The following TRIML2 variants were observed in gnomAD, a reference collection of about 807,000 sequenced individuals.
TRIML2 encodes probable E3 ubiquitin-protein ligase TRIML2.
A neutral mutation model predicts 31.2 loss-of-function variants in TRIML2; 28 were observed. The observed-to-expected ratio is 0.90, with a 90% CI of 0.66 to 1.23. The LOEUF is 1.23. TRIML2 is among the 50% of genes most tolerant of loss of function. The pLI is 0.00. For missense variants in TRIML2, 536 were observed against 528.3 expected (o/e 1.01, Z -0.14); for synonymous variants, 187 against 197.5 (o/e 0.95, Z 0.45).
intron 1 of TRIML2, chr4:188,106,854 G>A (rs1396900765): frequency 1.9e-5 from 5 of 263,816 alleles, no homozygotes; most frequent in African/African-American, 9.2e-5. Flanking sequence ...AGCCGCGGGT[G>A]CGGTACCACC....
intron 2 of TRIML2, 82 bp from the exon 3 acceptor site, chr4:188,105,014 G>A (rs1733966187): frequency 4.2e-6 from 6 of 1,415,218 alleles, no homozygotes; most frequent in Non-Finnish European, 6.0e-6. Flanking sequence ...CAACAACTCT[G>A]AGTATATATT....
chr4:188,103,113 T>C (rs1248194875), intron 3 of TRIML2, among the ~76,000 whole-genome samples: 3 of 145,806 alleles, frequency 2.1e-5, no homozygotes, highest in African/African-American at 7.6e-5. Flanking sequence ...CCAAAGTTCA[T>C]GCCATTCTCC....
intron 3 of TRIML2, among the ~76,000 whole-genome samples, chr4:188,103,874 C>T (rs570745142): frequency 1.3e-5 from 2 of 152,038 alleles, no homozygotes; most frequent in Non-Finnish European, 1.5e-5. Flanking sequence ...GAAGGGGGAT[C>T]GGTTGAAAAA....
intron 1 of TRIML2, among the ~76,000 whole-genome samples, chr4:188,108,300 A>G (rs1734124202): frequency 6.6e-6 from 1 of 152,102 alleles, no homozygotes; most frequent in Non-Finnish European, 1.5e-5. Flanking sequence ...TTTGCAATAG[A>G]ATGTCTAAGG....
Position 188,091,875 on chromosome 4 carries a change from A to T in TRIML2, c.812T>A (p.Met271Lys). 1.2e-6 allele frequency: 2 copies of T among 1,612,938 alleles called. No homozygotes were observed. Among genetic ancestry groups the T allele is most frequent in the Non-Finnish European group, 8.5e-7 (1 of 1,179,092 alleles). Reference sequence around the variant, plus strand: ...ATCCTGCTGCCCATGTCTCAATCTCATAGTTCTCAGGTCCTCAGATAGTGC... The same window carrying T: ...ATCCTGCTGCCCATGTCTCAATCTCTTAGTTCTCAGGTCCTCAGATAGTGC... ...CLALSEDLRT[M>K]RLRHGQQDGA... Residue 271 changes from methionine (M) to lysine (K), a missense_variant, in exon 8 of 8, where the codon ATG (methionine) becomes AAG (lysine). Physicochemically the swap from Met to Lys is moderately conservative, Grantham distance 95. Transcript: ENST00000682553.
At position 188,104,950 on chromosome 4, in the gene TRIML2, A is replaced by G. The variant is rs1194376877; in HGVS notation, c.190-18T>C. Reference sequence around the variant, plus strand: ...AATAACTTCTATAGAGAAAGCACAGAATTCCAGGTGAGATCATTGATTTAG... The same window carrying G: ...AATAACTTCTATAGAGAAAGCACAGGATTCCAGGTGAGATCATTGATTTAG... On this transcript the variant is annotated intron_variant, in intron 2 of 7. Coordinates refer to ENST00000682553, the MANE Select transcript of TRIML2 (RefSeq NM_173553.4). 1 of 1,597,808 alleles carries G rather than the reference A, an allele frequency of 6.3e-7. No homozygotes were observed. Among genetic ancestry groups the G allele is most frequent in the South Asian group, 1.1e-5 (1 of 90,716 alleles).
At chr4:188,106,682 C>A in intron 1 of TRIML2, 1 of 161,338 alleles carries the variant, frequency 6.2e-6, no homozygotes, top group South Asian at 1.5e-4. Context: ...CTATCGTGCT[C>A]CTGGCAGGCG....
intron 7 of TRIML2, among the ~76,000 whole-genome samples, chr4:188,096,747 C>T (rs796753522): frequency 1.6e-4 from 25 of 151,694 alleles, no homozygotes; most frequent in African/African-American, 5.8e-4. Flanking sequence ...ATCTCCACCT[C>T]CTGGGTTCAA....
intron 1 of TRIML2, among the ~76,000 whole-genome samples, chr4:188,107,220 T>C (rs1579187515): frequency 6.6e-6 from 1 of 152,250 alleles, no homozygotes. Flanking sequence ...TTCACCGTGT[T>C]GGCCACACTG....
chr4:188,097,324 C>T lies in TRIML2; in HGVS notation c.644G>A (p.Arg215Lys), dbSNP rs745435433. The change falls in exon 6 of 8, where the codon AGG (arginine) becomes AAG (lysine). Residue 215 changes from arginine (R) to lysine (K), a missense_variant and splice_region_variant. Transcript: ENST00000682553. ...AATTGTATCCAAAATGAAAACTCAC[C>T]TTTCTAAAGAGTATTTTGCATTCTA... is the stretch of plus-strand genomic sequence containing the variant. Reference protein sequence around the residue: ...LLKNAKYSLERSKSLLLEHLE... With the variant: ...LLKNAKYSLEKSKSLLLEHLE... The T allele has an allele frequency of 4.4e-5, 71 of 1,613,846 alleles. No homozygotes were observed. Among genetic ancestry groups the T allele is most frequent in the Non-Finnish European group, 5.8e-5 (69 of 1,179,944 alleles).
Position 188,105,237 on chromosome 4 carries a change from G to T in TRIML2, c.132C>A (p.Ser44=). 6.2e-7 allele frequency: 1 copy of T among 1,611,826 alleles called. No homozygotes were observed. Among genetic ancestry groups the T allele is most frequent in the Non-Finnish European group, 8.5e-7 (1 of 1,178,098 alleles). Residue 44 remains serine, a synonymous_variant, in exon 2 of 8, where the codon TCC becomes TCA. Coordinates refer to ENST00000682553, the MANE Select transcript of TRIML2 (RefSeq NM_173553.4). ...ACACCATGTGATGTTTGTGCTCCTGGGACTGGAAGCATTTGCTGCAGAGTG... is the reference window on the plus strand; with the variant it reads ...ACACCATGTGATGTTTGTGCTCCTGTGACTGGAAGCATTTGCTGCAGAGTG... ...QITLCSKCFQ[S]QEHKHHMVCG... is the part of the protein sequence containing the mutation.
intron 4 of TRIML2, among the ~76,000 whole-genome samples, chr4:188,100,123 G>A (rs1733706918): frequency 6.6e-6 from 1 of 152,126 alleles, no homozygotes; most frequent in Non-Finnish European, 1.5e-5. Flanking sequence ...ATTCTTCCAT[G>A]TATGTATGGA....
At chr4:188,095,688 C>G (rs1456306236) in intron 7 of TRIML2, among the ~76,000 whole-genome samples, 1 of 152,156 alleles carries the variant, frequency 6.6e-6, no homozygotes, top group Non-Finnish European at 1.5e-5. Context: ...ATTTGGAAAA[C>G]AAGTTTGGCA....
At chr4:188,094,223 G>A (rs924899765) in intron 7 of TRIML2, among the ~76,000 whole-genome samples, 2 of 152,158 alleles carry the variant, frequency 1.3e-5, no homozygotes, top group Non-Finnish European at 2.9e-5. Flanking sequence ...TCGAGAATAA[G>A]CAAGTGTCCA....
chr4:188,103,993 G>C (rs993148435), intron 3 of TRIML2, among the ~76,000 whole-genome samples: 4 of 152,184 alleles, frequency 2.6e-5, no homozygotes, highest in African/African-American at 4.8e-5. Flanking sequence ...ACCTTGCACA[G>C]AATAGGATTA....
At chr4:188,100,583 G>A (rs1024402371) in intron 4 of TRIML2, among the ~76,000 whole-genome samples, 4 of 152,124 alleles carry the variant, frequency 2.6e-5, no homozygotes, top group African/African-American at 7.2e-5. Context: ...TTAGCCGGGC[G>A]TAGTGGCGGG....
rs1733560557 is a variant in TRIML2 at position 188,097,286 on chromosome 4, C to T, written c.644+38G>A. On this transcript the variant is annotated intron_variant, in intron 6 of 7. Transcript: ENST00000682553. ...ATCTCAATCAACATCTTACTGGACT[C>T]TGATTCTCACCCAATTGTATCCAAA... 2.5e-6 allele frequency: 4 copies of T among 1,611,684 alleles called. No homozygotes were observed. In the South Asian group the frequency reaches 4.4e-5, roughly 18 times the overall value.
At position 188,107,928 on chromosome 4, in the gene TRIML2, G is replaced by A. The variant is rs569654189; in HGVS notation, c.-223+1315C>T. ...GCTTAGGTCTTTGAAATCCCTGCTGGTTTCCCGTGTCTTAGGTCCCTGAAC... is the reference window on the plus strand; with the variant it reads ...GCTTAGGTCTTTGAAATCCCTGCTGATTTCCCGTGTCTTAGGTCCCTGAAC... On this transcript the variant is annotated intron_variant, in intron 1 of 7. Coordinates refer to ENST00000682553, the MANE Select transcript of TRIML2 (RefSeq NM_173553.4). Among the ~76,000 whole-genome samples, 22 of 152,106 alleles carry A rather than the reference G, an allele frequency of 1.4e-4. No homozygotes were observed. In the South Asian group the frequency reaches 4.6e-3, roughly 32 times the overall value.
chr4:188,098,126 A>AGG lies in TRIML2; in HGVS notation c.622-781_622-780insCC, dbSNP rs1733607747. ...TAGAGCGAGACTCCGTCTCGGGGAA[A>AGG]AAAAAAAAAAAAAAGGTAACCCACT... is the stretch of plus-strand genomic sequence containing the variant. On this transcript the variant is annotated intron_variant, in intron 5 of 7. Transcript: ENST00000682553. 3.0e-5 allele frequency: 7 copies of AGG among 234,664 alleles called. No individual in the cohort carries two copies. The Admixed American group carries it at 3.5e-4, about 12-fold the overall frequency. The allele number at this position is 234,664 out of a possible 1,614,324, so 14.5% of individuals were successfully genotyped here. A position where few individuals can be genotyped will look rare whatever the true frequency, so the allele number is the denominator to read the frequency against.
Sources: allele counts gnomAD v4.1 joint callset (sites outside exome capture counted in the v4.1 genomes callset), GRCh38; gene constraint gnomAD v4.1.1; transcripts MANE v1.5; gene names NCBI Gene and HGNC (gene_info 2026-07-23, HGNC 2026-07-21).